The following CFAP47 variants were observed in gnomAD, a reference collection of about 807,000 sequenced individuals.
CFAP47 encodes cilia and flagella associated protein 47.
Under a neutral mutation model 148.1 loss-of-function variants are expected in CFAP47, and 29 were observed. The observed-to-expected ratio is 0.20, with a 90% CI of 0.15 to 0.27. The LOEUF is 0.27. Among genes scored for constraint, CFAP47 ranks in the 10% least tolerant of loss-of-function variants. The probability of loss-of-function intolerance (pLI) is 1.00; values close to 1 mark genes in which losing one functional copy is unlikely to be tolerated. For missense variants in CFAP47, 1,872 were observed against 1,697.5 expected, an observed-to-expected ratio of 1.10 and a Z score of -1.81; for synonymous variants, 664 against 577.3, an observed-to-expected ratio of 1.15 and a Z score of -2.15.
At chrX:36,169,081 T>G (rs1939532201) in intron 39 of CFAP47, among the ~76,000 whole-genome samples, 1 of 111,613 alleles carries the variant, frequency 9.0e-6, no homozygotes, top group Admixed American at 9.6e-5. Flanking sequence ...TGCAGTGTAC[T>G]GAATACATAA....
At chrX:35,954,749 C>A (rs1936219222) in intron 7 of CFAP47, among the ~76,000 whole-genome samples, 1 of 112,140 alleles carries the variant, frequency 8.9e-6, no homozygotes, top group African/African-American at 3.2e-5. Flanking sequence ...TTCCCAAAAA[C>A]TTCATGTTTA....
intron 60 of CFAP47, among the ~76,000 whole-genome samples, chrX:36,355,009 C>T (rs782098722): frequency 1.8e-5 from 2 of 110,394 alleles, no homozygotes; most frequent in African/African-American, 6.6e-5. Context: ...TCTTAAGGAG[C>T]TCCTACAACT....
chrX:35,943,869 A>T (rs186435428), intron 3 of CFAP47, among the ~76,000 whole-genome samples: 100 of 110,944 alleles, frequency 9.0e-4, no homozygotes, highest in African/African-American at 2.9e-3. Flanking sequence ...GGAGTACATG[A>T]GATGTTTTGA....
chrX:36,254,090 A>G (rs1422760865), intron 49 of CFAP47, among the ~76,000 whole-genome samples: 3 of 111,906 alleles, frequency 2.7e-5, no homozygotes, highest in African/African-American at 6.5e-5. Context: ...AATCATCTCA[A>G]TGAAGGTATG....
Position 35,951,277 on chromosome X carries a change from A to G in CFAP47, c.803A>G (p.Lys268Arg), listed in dbSNP as rs1194946497. 1 of 1,208,754 alleles carries G rather than the reference A, an allele frequency of 8.3e-7. No homozygotes were observed. The highest frequency in any genetic ancestry group is 1.1e-6 in the Non-Finnish European group (1 of 894,693). Residue 268 changes from lysine (K) to arginine (R), a missense_variant, in exon 5 of 64, where the codon AAA (lysine) becomes AGA (arginine). Transcript: ENST00000378653. Reference sequence around the variant, plus strand: ...GTTTTCTTCGGATCATCAAAAATTAAACATGCACGTGTATACAATAATAGC... The same window carrying G: ...GTTTTCTTCGGATCATCAAAAATTAGACATGCACGTGTATACAATAATAGC... ...GPVFFGSSKI[K>R]HARVYNNSPE...
At chrX:36,029,063 A>T (rs1937252803) in intron 22 of CFAP47, among the ~76,000 whole-genome samples, 1 of 110,081 alleles carries the variant, frequency 9.1e-6, no homozygotes, top group African/African-American at 3.3e-5. Flanking sequence ...CAATGTCTTT[A>T]CTCATTATTG....
intron 48 of CFAP47, among the ~76,000 whole-genome samples, chrX:36,250,210 G>A (rs1281658734): frequency 5.4e-5 from 6 of 111,290 alleles, no homozygotes; most frequent in Admixed American, 3.8e-4. Flanking sequence ...TGATATGTAC[G>A]CAATGAAATA....
chrX:36,047,130 C>A, intron 26 of CFAP47, 67 bp downstream of exon 26: 1 of 733,285 alleles, frequency 1.4e-6, no homozygotes, highest in Non-Finnish European at 2.0e-6. Flanking sequence ...TATTTTACAC[C>A]ATGGTAAAAT....
intron 21 of CFAP47, among the ~76,000 whole-genome samples, chrX:36,008,906 A>G (rs1435238000): frequency 1.8e-5 from 2 of 111,820 alleles, no homozygotes; most frequent in African/African-American, 3.2e-5. Flanking sequence ...TCATCTCCAG[A>G]CATGCTCCTG....
intron 57 of CFAP47, among the ~76,000 whole-genome samples, chrX:36,330,387 C>T (rs1197831087): frequency 8.9e-6 from 1 of 111,965 alleles, no homozygotes; most frequent in African/African-American, 3.2e-5. Flanking sequence ...CATTCTGAGA[C>T]ATAGCTAGAA....
intron 37 of CFAP47, among the ~76,000 whole-genome samples, chrX:36,149,987 G>A (rs1017096631): frequency 1.8e-5 from 2 of 110,562 alleles, no homozygotes; most frequent in Admixed American, 9.7e-5. Context: ...GACTATGAAA[G>A]TATGAAGAAC....
At chrX:36,021,175 T>G (rs1196331062) in intron 22 of CFAP47, among the ~76,000 whole-genome samples, 4 of 112,195 alleles carry the variant, frequency 3.6e-5, no homozygotes, top group Non-Finnish European at 7.5e-5. Context: ...TATTTATATC[T>G]TATGGTACTA....
intron 60 of CFAP47, among the ~76,000 whole-genome samples, chrX:36,356,314 C>T (rs1309651236): frequency 2.7e-5 from 3 of 111,737 alleles, no homozygotes; most frequent in Middle Eastern, 4.2e-3. Context: ...ACTCAACAAG[C>T]TCATTCATAT....
chrX:36,131,681 A>C (rs1938951595), intron 33 of CFAP47, among the ~76,000 whole-genome samples: 2 of 111,849 alleles, frequency 1.8e-5, no homozygotes, highest in South Asian at 3.7e-4. Flanking sequence ...AAAAGAAATG[A>C]AATACTTATA....
chrX:36,146,778 CTTT>C (rs568139660), intron 36 of CFAP47, among the ~76,000 whole-genome samples: 19 of 87,767 alleles, frequency 2.2e-4, no homozygotes, highest in African/African-American at 7.2e-4. Flanking sequence ...TATTTCTTTT[CTTT>C]TTTTTTTTTT....
chrX:36,136,415 G>T (rs949584932), intron 33 of CFAP47, among the ~76,000 whole-genome samples: 1 of 110,596 alleles, frequency 9.0e-6, no homozygotes, highest in African/African-American at 3.3e-5. Context: ...TTCTCTATCA[G>T]TGTAAAAGGC....
chrX:36,189,282 C>A (rs1009781100), intron 41 of CFAP47, among the ~76,000 whole-genome samples: 2 of 110,846 alleles, frequency 1.8e-5, no homozygotes, highest in African/African-American at 6.6e-5. Flanking sequence ...GGCTTGAGTC[C>A]TTTCAAAGTC....
intron 49 of CFAP47, among the ~76,000 whole-genome samples, chrX:36,280,123 T>C (rs1556003345): frequency 9.0e-6 from 1 of 111,196 alleles, no homozygotes; most frequent in Non-Finnish European, 1.9e-5. Context: ...TTTAATGGGG[T>C]AATAAATAGA....
chrX:36,224,904 A>G (rs782166551), intron 45 of CFAP47, among the ~76,000 whole-genome samples: 1 of 112,148 alleles, frequency 8.9e-6, no homozygotes, highest in Admixed American at 9.5e-5. Context: ...ACTATGACCT[A>G]TTCTAGGATC....
Sources: gnomAD v4.1 joint callset for allele counts (sites outside exome capture counted in the v4.1 genomes callset) on GRCh38, gnomAD v4.1.1 for gene constraint, MANE v1.5 for transcripts, NCBI Gene and HGNC (gene_info 2026-07-23, HGNC 2026-07-21) for gene names.